The following THSD7B variants were observed in gnomAD, a reference collection of about 807,000 sequenced individuals.
THSD7B encodes the protein thrombospondin type 1 domain containing 7B, also known as thrombospondin type-1 domain-containing protein 7B.
A neutral mutation model predicts 213.6 loss-of-function variants in THSD7B; 138 were observed. The ratio of observed to expected loss-of-function variants is 0.65; its 90% CI spans 0.56 to 0.74. THSD7B has a LOEUF of 0.74. Ranked by LOEUF, THSD7B falls within the 30% of genes least tolerant of loss-of-function variation. The probability of loss-of-function intolerance (pLI) is 0.00; values close to 1 mark genes in which losing one functional copy is unlikely to be tolerated. For missense variants in THSD7B, 1,931 were observed against 1,991.5 expected (o/e 0.97, Z 0.58); for synonymous variants, 742 against 687.0 (o/e 1.08, Z -1.25).
intron 17 of THSD7B, among the ~76,000 whole-genome samples, chr2:137,603,195 T>A (rs1682108236): frequency 6.6e-6 from 1 of 152,218 alleles, no homozygotes; most frequent in Admixed American, 6.5e-5. Context: ...TTTGTATTTG[T>A]AGAATGCCTT....
At chr2:137,034,059 T>G (rs1011740187) in intron 2 of THSD7B, among the ~76,000 whole-genome samples, 5 of 152,000 alleles carry the variant, frequency 3.3e-5, no homozygotes, top group Non-Finnish European at 7.4e-5. Flanking sequence ...TTTGGTTTTC[T>G]GTCCTTGTGA....
At chr2:137,674,512 A>G (rs1383937164) in intron 27 of THSD7B, among the ~76,000 whole-genome samples, 2 of 152,236 alleles carry the variant, frequency 1.3e-5, no homozygotes, top group Non-Finnish European at 2.9e-5. Context: ...GTGGAATGGT[A>G]TACCCAGGAC....
chr2:136,998,366 G>A (rs1416375386), intron 2 of THSD7B, among the ~76,000 whole-genome samples: 1 of 151,768 alleles, frequency 6.6e-6, no homozygotes, highest in East Asian at 1.9e-4. Flanking sequence ...CACTGGGTAG[G>A]AATATGCTTT....
In THSD7B at chr2:137,057,092, C is replaced by T. The variant is rs1052445478; in HGVS notation, c.812C>T (p.Ser271Phe). 1.9e-6 allele frequency: 3 copies of T among 1,613,818 alleles called. No individual in the cohort carries two copies. The highest frequency in any genetic ancestry group is 2.5e-6 in the Non-Finnish European group (3 of 1,179,896). The change falls in exon 3 of 28, where the codon TCT (serine) becomes TTT (phenylalanine). Residue 271 changes from serine to phenylalanine, a missense_variant. Physicochemically the swap from Ser to Phe is radical, Grantham distance 155. Transcript: ENST00000409968. ...GGAAGAACTGTTCTGGATTTTAACTCTGATTCAAATGAGCGAGTCACCTTT... is the reference window on the plus strand; with the variant it reads ...GGAAGAACTGTTCTGGATTTTAACTTTGATTCAAATGAGCGAGTCACCTTT... The part of the protein sequence containing the change: ...PSGRTVLDFN[S>F]DSNERVTFKH...
intron 24 of THSD7B, among the ~76,000 whole-genome samples, chr2:137,657,782 T>C (rs1168273359): frequency 1.3e-5 from 2 of 152,208 alleles, no homozygotes; most frequent in Admixed American, 6.5e-5. Context: ...TGACACAATT[T>C]TGGCTCACTG....
At chr2:137,505,355 A>C (rs1377273682) in intron 15 of THSD7B, among the ~76,000 whole-genome samples, 1 of 152,222 alleles carries the variant, frequency 6.6e-6, no homozygotes, top group Admixed American at 6.5e-5. Context: ...TGTGGCTCCA[A>C]GTTCCAGGAG....
chr2:137,662,544 A>G (rs866834382), intron 25 of THSD7B, among the ~76,000 whole-genome samples: 71 of 152,160 alleles, frequency 4.7e-4, no homozygotes, highest in African/African-American at 1.6e-3. Context: ...CTTCTTAGCT[A>G]CCTACTCTAA....
At chr2:137,054,012 C>T (rs1687115141) in intron 2 of THSD7B, among the ~76,000 whole-genome samples, 1 of 152,138 alleles carries the variant, frequency 6.6e-6, no homozygotes, top group African/African-American at 2.4e-5. Flanking sequence ...GAATAGAACA[C>T]TTAAACTGAA....
intron 2 of THSD7B, among the ~76,000 whole-genome samples, chr2:136,890,090 A>G (rs559663592): frequency 1.3e-5 from 2 of 152,062 alleles, no homozygotes; most frequent in Non-Finnish European, 2.9e-5. Context: ...CCCCAGTGCC[A>G]TTACTGAGAA....
chr2:137,303,037 C>T (rs1195134864), intron 12 of THSD7B, among the ~76,000 whole-genome samples: 1 of 152,120 alleles, frequency 6.6e-6, no homozygotes, highest in Non-Finnish European at 1.5e-5. Flanking sequence ...TCTTCTTACT[C>T]TGTCACCCAG....
intron 25 of THSD7B, among the ~76,000 whole-genome samples, chr2:137,662,597 G>T (rs898721430): frequency 6.6e-6 from 1 of 152,110 alleles, no homozygotes; most frequent in Admixed American, 6.5e-5. Flanking sequence ...GGATTTCGCG[G>T]CTGTGATAGC....
chr2:137,279,310 A>AG (rs1682942911), intron 12 of THSD7B, among the ~76,000 whole-genome samples: 1 of 152,070 alleles, frequency 6.6e-6, no homozygotes, highest in African/African-American at 2.4e-5. Flanking sequence ...CTGAGGTGAG[A>AG]GGATTCCTTG....
intron 17 of THSD7B, among the ~76,000 whole-genome samples, chr2:137,585,258 C>CT (rs1216373089): frequency 1.3e-5 from 2 of 152,036 alleles, no homozygotes; most frequent in Admixed American, 6.5e-5. Flanking sequence ...TGCTAGCACT[C>CT]TATCAATTTT....
intron 2 of THSD7B, among the ~76,000 whole-genome samples, chr2:136,890,429 TC>T (rs1683813892): frequency 2.7e-4 from 1 of 3,760 alleles, no homozygotes; most frequent in Non-Finnish European, 5.9e-4. Flanking sequence ...TTCTTCTTCT[TC>T]TTCTTCTTCT....
At position 137,552,462 on chromosome 2, in the gene THSD7B, AT is replaced by A. The variant is rs1190304156; in HGVS notation, c.3139-10752del. Among the ~76,000 whole-genome samples the A allele has an allele frequency of 3.9e-5, 6 of 152,126 alleles. No homozygotes were observed. The South Asian group carries it at 1.2e-3, about 32-fold the overall frequency. ...TAGCTTCCCTCAAATTTCAGTTATT[AT>A]TTTTTTCCTTTTTTTCCTGTTAGTA... is the stretch of plus-strand genomic sequence containing the variant. On this transcript the variant is annotated intron_variant, in intron 15 of 27. Transcript: ENST00000409968.
intron 13 of THSD7B, among the ~76,000 whole-genome samples, chr2:137,411,247 G>A (rs1686644298): frequency 6.6e-6 from 1 of 152,188 alleles, no homozygotes; most frequent in Non-Finnish European, 1.5e-5. Context: ...TTGGTTCCCT[G>A]GCGATCGTTA....
At chr2:137,013,271 T>A (rs115777720) in intron 2 of THSD7B, among the ~76,000 whole-genome samples, 298 of 152,306 alleles carry the variant, frequency 2.0e-3, no homozygotes, top group African/African-American at 7.0e-3. Flanking sequence ...AGACACTGGA[T>A]ATCAGGCAAA....
At chr2:137,588,786 T>A (rs1681800464) in intron 17 of THSD7B, among the ~76,000 whole-genome samples, 1 of 151,650 alleles carries the variant, frequency 6.6e-6, no homozygotes, top group Non-Finnish European at 1.5e-5. Context: ...ATTTATTTAT[T>A]TATTTATTTA....
chr2:137,546,416 T>TATATATATA (rs1558834328), intron 15 of THSD7B, among the ~76,000 whole-genome samples: 26 of 31,286 alleles, frequency 8.3e-4, no homozygotes, highest in African/African-American at 4.5e-3. Context: ...ATATATATAT[T>TATATATATA]ATATATATTA....
Sources: allele counts gnomAD v4.1 joint callset (sites outside exome capture counted in the v4.1 genomes callset), GRCh38; gene constraint gnomAD v4.1.1; transcripts MANE v1.5; gene names NCBI Gene and HGNC (gene_info 2026-07-23, HGNC 2026-07-21).